SERTAD1: variants seen among roughly 807,000 people sequenced by gnomAD.
SERTAD1 encodes SERTA domain-containing protein 1.
Under a neutral mutation model 11.7 loss-of-function variants are expected in SERTAD1, and 5 were observed. The observed-to-expected ratio is 0.43, with a 90% CI of 0.22 to 0.90. The LOEUF (loss-of-function observed/expected upper bound fraction) is 0.90. Ranked by LOEUF, SERTAD1 falls within the 40% of genes least tolerant of loss-of-function variation. The pLI is 0.27. For synonymous variants in SERTAD1, 139 were observed against 141.4 expected (o/e 0.98, Z 0.12); for missense variants, 287 against 313.9 (o/e 0.91, Z 0.65).
At position 40,423,171 on chromosome 19, in the gene SERTAD1, C is replaced by T; in HGVS notation, c.376G>A (p.Glu126Lys). Residue 126 changes from glutamate (E) to lysine (K), a missense_variant, in exon 2 of 2, where the codon GAG becomes AAG. By Grantham distance (56) the Glu-to-Lys change is moderately conservative. Transcript: ENST00000357949. ...ASLLEDLSHIEGLSQAPQPLA... is the reference protein window; with the variant it reads ...ASLLEDLSHIKGLSQAPQPLA... Reference sequence around the variant, plus strand: ...GGTTGGGGAGCCTGACTCAGGCCCTCAATGTGGCTGAGGTCCTCCAGGAGG... The same window carrying T: ...GGTTGGGGAGCCTGACTCAGGCCCTTAATGTGGCTGAGGTCCTCCAGGAGG... The T allele has an allele frequency of 6.2e-7, 1 of 1,602,250 alleles. No individual in the cohort carries two copies. Among genetic ancestry groups the T allele is most frequent in the Non-Finnish European group, 8.5e-7 (1 of 1,173,844 alleles).
Position 40,421,928 on chromosome 19 carries a change from C to T in SERTAD1, c.*908G>A, listed in dbSNP as rs2079599502. 6.6e-6 allele frequency: 1 copy of T among 151,656 alleles called. No individual in the cohort carries two copies. The highest frequency in any genetic ancestry group is 1.5e-5 in the Non-Finnish European group (1 of 67,992). 9.4% of individuals were successfully genotyped at this position (151,656 alleles called of 1,614,324 possible). A position where few individuals can be genotyped will look rare whatever the true frequency, so the allele number is the denominator to read the frequency against. ...CTTTGGGAGGCTGAGGCAGGCAGAT[C>T]ACGAGGTCAGAAGATGAAGACCATC... On this transcript the variant is annotated 3_prime_UTR_variant, in exon 2 of 2. Transcript: ENST00000357949.
In SERTAD1 at chr19:40,422,919, G is replaced by C. The variant is rs941582459; in HGVS notation, c.628C>G (p.Leu210Val). ...AGGTAGTCCAATTCGGCCTCGTCCA[G>C]CTCCGGAGCTTCCTCCTTGCCCGGC... is the stretch of plus-strand genomic sequence containing the variant. ...DGPGKEEAPELDEAELDYLMD... is the reference protein window; with the variant it reads ...DGPGKEEAPEVDEAELDYLMD... The change falls in exon 2 of 2, where the codon CTG becomes GTG. Residue 210 changes from leucine to valine, a missense_variant. Physicochemically the swap from Leu to Val is conservative, Grantham distance 32. Coordinates refer to ENST00000357949, the MANE Select transcript of SERTAD1 (RefSeq NM_013376.4). The C allele has an allele frequency of 5.0e-6, 8 of 1,612,632 alleles. No homozygotes were observed. In the African/African-American group the frequency reaches 8.0e-5, roughly 16 times the overall value.
chr19:40,423,543 G>C lies in SERTAD1; in HGVS notation c.4C>G (p.Leu2Val). Residue 2 changes from leucine (L) to valine (V), a missense_variant, in exon 2 of 2, where the codon CTG (leucine) becomes GTG (valine). Physicochemically the swap from Leu to Val is conservative, Grantham distance 32. Coordinates refer to ENST00000357949, the MANE Select transcript of SERTAD1 (RefSeq NM_013376.4). M[L>V]SKGLKRKREE... ...CGTTTCCGCTTCAGACCCTTGCTCA[G>C]CATCTGCAGAGGGCAGGGAGTTATG... The C allele has an allele frequency of 6.4e-7, 1 of 1,572,052 alleles. No homozygotes were observed. The highest frequency in any genetic ancestry group is 2.2e-5 in the East Asian group (1 of 44,684).
intron 1 of SERTAD1, 46 bp downstream of exon 1, chr19:40,425,821 C>A (rs766182714): frequency 6.6e-6 from 1 of 152,366 alleles, no homozygotes; most frequent in African/African-American, 2.4e-5. Flanking sequence ...GTGAAGGACC[C>A]GGCCGCTGGT....
In SERTAD1 at chr19:40,423,307, G is replaced by A; in HGVS notation, c.240C>T (p.Ser80=). The change falls in exon 2 of 2, where the codon TCC becomes TCT. Residue 80 remains serine (S), a synonymous_variant. Coordinates refer to ENST00000357949, the MANE Select transcript of SERTAD1 (RefSeq NM_013376.4). ...GTGGCAGGGCAGCCGCGGGTGCCAT[G>A]GACGCCTGGATGCGCCGCAGAGTGT... ...VVNTLRRIQA[S]MAPAAALPPV... The A allele has an allele frequency of 1.2e-6, 2 of 1,609,332 alleles. No homozygotes were observed. The highest frequency in any genetic ancestry group is 1.7e-6 in the Non-Finnish European group (2 of 1,177,710).
Position 40,422,873 on chromosome 19 carries a change from G to A in SERTAD1, c.674C>T (p.Thr225Ile). ...CCCCGGCGGTCGCTCCAGTGCCTGT[G>A]TGCCCACCAGCACATCCATGAGGTA... ...LDYLMDVLVG[T>I]QALERPPGPG... The change falls in exon 2 of 2, where the codon ACA becomes ATA. Residue 225 changes from threonine (T) to isoleucine (I), a missense_variant. Transcript: ENST00000357949. 1.2e-6 allele frequency: 2 copies of A among 1,611,854 alleles called. No individual in the cohort carries two copies. Among genetic ancestry groups the A allele is most frequent in the East Asian group, 2.2e-5 (1 of 44,846 alleles).
In SERTAD1 at chr19:40,423,523, C is replaced by A; in HGVS notation, c.24G>T (p.Arg8=). The A allele has an allele frequency of 1.2e-6, 2 of 1,603,902 alleles. No individual in the cohort carries two copies. The highest frequency in any genetic ancestry group is 8.5e-7 in the Non-Finnish European group (1 of 1,175,218). MLSKGLK[R]KREEEEEKEP... ...CCTTCTCCTCCTCCTCCTCCCGTTT[C>A]CGCTTCAGACCCTTGCTCAGCATCT... Residue 8 remains arginine, a synonymous_variant, in exon 2 of 2, where the codon CGG becomes CGT. Transcript: ENST00000357949.
At position 40,422,255 on chromosome 19, in the gene SERTAD1, C is replaced by CA. The variant is rs34418481; in HGVS notation, c.*580dup. 0.2 allele frequency: 20,444 copies of CA among 102,538 alleles called. 1,668 individuals carry two copies. The highest frequency in any genetic ancestry group is 0.24 in the Middle Eastern group (36 of 148). The allele number at this position is 102,538 out of a possible 1,614,324, so 6.4% of individuals were successfully genotyped here. ...TGGGTGACAGAGCGAGACCCTATCT[C>CA]AAAAAAAAAAAAAAAAAAGTTCATA... On this transcript the variant is annotated 3_prime_UTR_variant, in exon 2 of 2. Transcript: ENST00000357949.
rs1055330842 is a variant in SERTAD1 at position 40,425,966 on chromosome 19, C to G, written c.-100G>C. Reference sequence around the variant, plus strand: ...GCTTGTTGGCTGTCCTCCGGAAACCCGCGCCTGGGTCGCGAGACGCAGTTC... The same window carrying G: ...GCTTGTTGGCTGTCCTCCGGAAACCGGCGCCTGGGTCGCGAGACGCAGTTC... On this transcript the variant is annotated 5_prime_UTR_variant, in exon 1 of 2. Transcript: ENST00000357949. 4 of 152,298 alleles carry G rather than the reference C, an allele frequency of 2.6e-5. No individual in the cohort carries two copies. Among genetic ancestry groups the G allele is most frequent in the Admixed American group, 1.3e-4 (2 of 15,286 alleles). The allele number at this position is 152,298 out of a possible 1,614,324, so 9.4% of individuals were successfully genotyped here. A position where few individuals can be genotyped will look rare whatever the true frequency, so the allele number is the denominator to read the frequency against.
At chr19:40,424,116 G>T (rs990298301) in intron 1 of SERTAD1, among the ~76,000 whole-genome samples, 4 of 151,844 alleles carry the variant, frequency 2.6e-5, no homozygotes. Flanking sequence ...TCACTATATT[G>T]CCCAGGCTGG....
rs1419746551 is a variant in SERTAD1 at position 40,422,967 on chromosome 19, G to A, written c.580C>T (p.Leu194Phe). Residue 194 changes from leucine to phenylalanine, a missense_variant, in exon 2 of 2, where the codon CTC (leucine) becomes TTC (phenylalanine). Coordinates refer to ENST00000357949, the MANE Select transcript of SERTAD1 (RefSeq NM_013376.4). Reference sequence around the variant, plus strand: ...GGCCCATCCTCAGGGCCTGGTTTGAGGCCCTCAGAGGCTGGTGCCCAAAGT... The same window carrying A: ...GGCCCATCCTCAGGGCCTGGTTTGAAGCCCTCAGAGGCTGGTGCCCAAAGT... ...NELWAPASEG[L>F]KPGPEDGPGK... is the part of the protein sequence containing the mutation. 3 of 1,601,388 alleles carry A rather than the reference G, an allele frequency of 1.9e-6. No individual in the cohort carries two copies. The highest frequency in any genetic ancestry group is 2.6e-6 in the Non-Finnish European group (3 of 1,173,628).
At chr19:40,423,729 T>C (rs574930134) in intron 1 of SERTAD1, among the ~76,000 whole-genome samples, 183 bp from the exon 2 acceptor site, 31 of 152,294 alleles carry the variant, frequency 2.0e-4, no homozygotes, top group African/African-American at 7.0e-4. Context: ...TATATGTATA[T>C]TTATAGATTT....
At position 40,425,531 on chromosome 19, in the gene SERTAD1, T is replaced by C. The variant is rs528517748; in HGVS notation, c.-1+336A>G. Among the ~76,000 whole-genome samples the C allele has an allele frequency of 2.0e-5, 3 of 152,262 alleles. No individual in the cohort carries two copies. In the South Asian group the frequency reaches 6.2e-4, roughly 32 times the overall value. On this transcript the variant is annotated intron_variant, in intron 1 of 1. Coordinates refer to ENST00000357949, the MANE Select transcript of SERTAD1 (RefSeq NM_013376.4). Reference sequence around the variant, plus strand: ...TGCCCCGATTCCCGGCTGTGATTCCTGCCGGCCTCCCGGCGCCGTGCGAGC... The same window carrying C: ...TGCCCCGATTCCCGGCTGTGATTCCCGCCGGCCTCCCGGCGCCGTGCGAGC...
rs761292442 is a variant in SERTAD1 at position 40,423,523 on chromosome 19, C to T, written c.24G>A (p.Arg8=). 66 of 1,603,786 alleles carry T rather than the reference C, an allele frequency of 4.1e-5. No individual in the cohort carries two copies. The highest frequency in any genetic ancestry group is 5.4e-5 in the Non-Finnish European group (64 of 1,175,226). ...CCTTCTCCTCCTCCTCCTCCCGTTT[C>T]CGCTTCAGACCCTTGCTCAGCATCT... MLSKGLK[R]KREEEEEKEP... The change falls in exon 2 of 2, where the codon CGG becomes CGA. Residue 8 remains arginine (R), a synonymous_variant. Transcript: ENST00000357949.
In SERTAD1 at chr19:40,423,069, G is replaced by A. The variant is rs2079604052; in HGVS notation, c.478C>T (p.Pro160Ser). Residue 160 changes from proline (P) to serine (S), a missense_variant, in exon 2 of 2, where the codon CCA becomes TCA. Coordinates refer to ENST00000357949, the MANE Select transcript of SERTAD1 (RefSeq NM_013376.4). ...PSLGALDLLG[P>S]ATGCLLDDGL... is the part of the protein sequence containing the mutation. ...TCGTCCAGTAGACAGCCAGTGGCTG[G>A]GCCCAGCAGGTCCAAGGCACCCAGG... is the stretch of plus-strand genomic sequence containing the variant. 1 of 1,582,562 alleles carries A rather than the reference G, an allele frequency of 6.3e-7. No homozygotes were observed. Among genetic ancestry groups the A allele is most frequent in the Non-Finnish European group, 8.6e-7 (1 of 1,164,426 alleles).
intron 1 of SERTAD1, among the ~76,000 whole-genome samples, chr19:40,425,629 A>AGCG (rs777608685): frequency 9.9e-5 from 15 of 152,044 alleles, no homozygotes; most frequent in African/African-American, 2.9e-4. Context: ...CTCCTCCCGA[A>AGCG]GCGGCGGCGG....
intron 1 of SERTAD1, among the ~76,000 whole-genome samples, 199 bp downstream of exon 1, chr19:40,425,668 C>G (rs1270695355): frequency 6.6e-6 from 1 of 152,074 alleles, no homozygotes; most frequent in Non-Finnish European, 1.5e-5. Context: ...GCAGCCGGAG[C>G]CAAGAAGCCG....
chr19:40,424,650 C>G (rs2079609936), intron 1 of SERTAD1, among the ~76,000 whole-genome samples: 2 of 152,164 alleles, frequency 1.3e-5, no homozygotes, highest in African/African-American at 4.8e-5. Flanking sequence ...ATGGAGCCCT[C>G]AGGCCAGAGA....
Position 40,422,777 on chromosome 19 carries a change from C to T in SERTAD1, c.*59G>A. ...GAAGCCAGCTGTGTCTTTTCGAGGA[C>T]AGTTGGTCCAGCCAGCAGGCTCAGT... On this transcript the variant is annotated 3_prime_UTR_variant, in exon 2 of 2. Transcript: ENST00000357949. 1 of 1,492,998 alleles carries T rather than the reference C, an allele frequency of 6.7e-7. No homozygotes were observed. The highest frequency in any genetic ancestry group is 8.9e-7 in the Non-Finnish European group (1 of 1,118,046). The allele number at this position is 1,492,998 out of a possible 1,614,324, so 92.5% of individuals were successfully genotyped here.
Sources: allele counts gnomAD v4.1 joint callset (sites outside exome capture counted in the v4.1 genomes callset), GRCh38; gene constraint gnomAD v4.1.1; transcripts MANE v1.5; gene names NCBI Gene and HGNC (gene_info 2026-07-23, HGNC 2026-07-21).